SPAG11A: variants seen among roughly 807,000 people sequenced by gnomAD.
SPAG11A encodes the protein sperm-associated antigen 11A.
SPAG11A carries 2 observed loss-of-function variants against 5.5 expected under a neutral mutation model. The observed-to-expected ratio is 0.37, with a 90% CI of 0.15 to 1.15. The LOEUF is 1.15. SPAG11A is among the 50% of genes most tolerant of loss of function. SPAG11A has a pLI of 0.38. For synonymous variants in SPAG11A, 11 were observed against 42.7 expected, an observed-to-expected ratio of 0.26 and a Z score of 2.90; for missense variants, 24 against 122.5, an observed-to-expected ratio of 0.20 and a Z score of 3.80.
At chr8:7,861,007 AG>A, downstream of SPAG11A, 1 of 554,936 alleles carries the variant, frequency 1.8e-6, no homozygotes, top group South Asian at 3.4e-5. Flanking sequence ...GCCTTTTCAA[AG>A]GGGTCTCAGA....
chr8:7,860,493 T>G, intron 2 of SPAG11A, 153 bp from the exon 3 acceptor site: 1 of 1,379,638 alleles, frequency 7.2e-7, no homozygotes, highest in Non-Finnish European at 9.7e-7. Context: ...GTTCCTGTTT[T>G]AAAGCTAAGA....
chr8:7,863,249 A>ATTTTTTTTTTTTT (rs1818267720), downstream of SPAG11A, among the ~76,000 whole-genome samples: 1 of 2,190 alleles, frequency 4.6e-4, no homozygotes, highest in Non-Finnish European at 1.5e-3. Context: ...TTTTTTTTTG[A>ATTTTTTTTTTTTT]CCACTTGTTC....
At chr8:7,852,098 G>A (rs371953838) in intron 2 of SPAG11A, among the ~76,000 whole-genome samples, 1 of 125,496 alleles carries the variant, frequency 8.0e-6, no homozygotes, top group Non-Finnish European at 1.8e-5. Flanking sequence ...ATTAGTCCAT[G>A]GTTTTCTCTC....
chr8:7,861,697 C>A (rs1818222775), downstream of SPAG11A, among the ~76,000 whole-genome samples: 1 of 130,634 alleles, frequency 7.7e-6, no homozygotes, highest in African/African-American at 2.6e-5. Context: ...ATAGAGACCA[C>A]ATGCCAAGCT....
intron 2 of SPAG11A, among the ~76,000 whole-genome samples, chr8:7,852,564 C>A (rs1817970652): frequency 6.7e-6 from 1 of 150,226 alleles, no homozygotes; most frequent in Non-Finnish European, 1.5e-5. Context: ...AACTCCCGAC[C>A]TCAGGTGATC....
At chr8:7,861,436 T>C (rs1175150061), downstream of SPAG11A, among the ~76,000 whole-genome samples, 2 of 146,746 alleles carry the variant, frequency 1.4e-5, no homozygotes, top group African/African-American at 2.5e-5. Flanking sequence ...TCCCCCAGGC[T>C]AGCAATTCAT....
At position 7,860,048 on chromosome 8, in the gene SPAG11A, G is replaced by A. The variant is rs1818147072; in HGVS notation, c.215-598G>A. Among the ~76,000 whole-genome samples, 2 of 150,666 alleles carry A rather than the reference G, an allele frequency of 1.3e-5. 1 individual carries two copies. Among genetic ancestry groups the A allele is most frequent in the Admixed American group, 1.3e-4 (2 of 15,086 alleles). ...TGTTGTTGTTGCTGCTGTTGTTGCT[G>A]CTGTTTAAAGTCATCGTACGTAGCA... On this transcript the variant is annotated intron_variant, in intron 2 of 2. Coordinates refer to ENST00000642566, the Ensembl canonical transcript of SPAG11A.
At chr8:7,860,364 G>C in intron 2 of SPAG11A, 1 of 1,429,934 alleles carries the variant, frequency 7.0e-7, no homozygotes, top group Non-Finnish European at 9.5e-7. Context: ...CTCTCACCAG[G>C]AGGCTCGAGG....
At chr8:7,860,861 T>C in exon 3 of SPAG11A, 8 of 1,263,322 alleles carry the variant, frequency 6.3e-6, no homozygotes, top group Non-Finnish European at 8.4e-6. Flanking sequence ...GGCAGGGATG[T>C]TGAAGTATCC....
chr8:7,860,589 C>G (rs1818177099), intron 2 of SPAG11A, 57 bp from the exon 3 acceptor site: 3 of 1,391,238 alleles, frequency 2.2e-6, no homozygotes, highest in African/African-American at 2.8e-5. Flanking sequence ...CTGGGTTCAT[C>G]TTCTATTCTC....
At chr8:7,851,789 TC>T (rs1194556565) in intron 2 of SPAG11A, among the ~76,000 whole-genome samples, 2 of 64,274 alleles carry the variant, frequency 3.1e-5, no homozygotes, top group Non-Finnish European at 6.3e-5. Flanking sequence ...CAAATCTGTG[TC>T]CCACCATCTC....
At chr8:7,852,252 T>G (rs567290758) in intron 2 of SPAG11A, among the ~76,000 whole-genome samples, 409 of 151,938 alleles carry the variant, frequency 2.7e-3, no homozygotes, top group African/African-American at 9.2e-3. Context: ...TTCTTTTGTT[T>G]ATTGATCATT....
intron 2 of SPAG11A, chr8:7,860,267 C>T (rs1818159495): frequency 4.5e-6 from 6 of 1,333,336 alleles, no homozygotes; most frequent in Non-Finnish European, 6.1e-6. Flanking sequence ...TGGGTTAATA[C>T]CTCTAATTTC....
At position 7,860,681 on chromosome 8, in the gene SPAG11A, C is replaced by T. The variant is rs767004141; in HGVS notation, c.250C>T (p.Arg84Cys). The change falls in exon 3 of 3, where the codon CGT (arginine) becomes TGT (cysteine). Residue 84 changes from arginine to cysteine, a missense_variant. Arg to Cys is a radical substitution (Grantham distance 180). Around this residue, in one of 3 missense-constraint regions of SPAG11A, gnomAD observed 18 missense variants for 26.3 expected, o/e 0.68. Transcript: ENST00000642566. ...ACTGGGAATTAGAAATACCATCTGC[C>T]GTATGCAGCAAGGGATCTGCAGACT... 36 of 1,521,282 alleles carry T rather than the reference C, an allele frequency of 2.4e-5. 3 individuals are homozygous for T. Among genetic ancestry groups the T allele is most frequent in the East Asian group, 1.8e-4 (6 of 34,098 alleles). The allele number at this position is 1,521,282 out of a possible 1,614,324, so 94.2% of individuals were successfully genotyped here. A position where few individuals can be genotyped will look rare whatever the true frequency, so the allele number is the denominator to read the frequency against.
intron 2 of SPAG11A, among the ~76,000 whole-genome samples, chr8:7,859,462 A>G (rs531354898): frequency 0.048 from 95 of 1,970 alleles, 2 homozygotes; most frequent in African/African-American, 0.051. Context: ...AAAGCTAAAT[A>G]AGTGTTATAA....
downstream of SPAG11A, chr8:7,862,466 AG>A: frequency 4.7e-6 from 1 of 211,534 alleles, no homozygotes; most frequent in Non-Finnish European, 9.1e-6. Context: ...GCTGCAGGTG[AG>A]AACCCCCAGG....
chr8:7,856,707 CTTCTT>C (rs202150056), intron 2 of SPAG11A, among the ~76,000 whole-genome samples: 4,127 of 96,514 alleles, frequency 0.043, 55 homozygotes, highest in African/African-American at 0.15. Context: ...TCCTTACACT[CTTCTT>C]TTCCATTCAT....
downstream of SPAG11A, among the ~76,000 whole-genome samples, chr8:7,863,213 ATT>A (rs869056010): frequency 6.6e-4 from 5 of 7,538 alleles, no homozygotes; most frequent in African/African-American, 1.2e-3. Flanking sequence ...TGCAGATGGG[ATT>A]TTTTTTTTTT....
chr8:7,857,775 G>A (rs1423359402), intron 2 of SPAG11A, among the ~76,000 whole-genome samples: 2,324 of 84,892 alleles, frequency 0.027, 40 homozygotes, highest in African/African-American at 0.075. Context: ...TCTCTCCAGA[G>A]GTGGAAAGTT....
Sources: allele counts gnomAD v4.1 joint callset (sites outside exome capture counted in the v4.1 genomes callset), GRCh38; gene constraint gnomAD v4.1.1; regional missense constraint gnomAD v4.1.1; transcripts MANE v1.5; gene names NCBI Gene and HGNC (gene_info 2026-07-23, HGNC 2026-07-21).